Variants in DPYD observed in about 807,000 individuals in gnomAD.
The protein encoded by DPYD is dihydropyrimidine dehydrogenase [NADP(+)].
Under a neutral mutation model 116.2 loss-of-function variants are expected in DPYD, and 109 were observed. The observed-to-expected ratio is 0.94, with a 90% CI of 0.80 to 1.10. The LOEUF (loss-of-function observed/expected upper bound fraction) is 1.10. Ranked by LOEUF, DPYD falls within the 50% of genes least tolerant of loss-of-function variation. The pLI is 0.00. For missense variants in DPYD, 1,302 were observed against 1,254.5 expected, an observed-to-expected ratio of 1.04 and a Z score of -0.57; for synonymous variants, 440 against 432.0, an observed-to-expected ratio of 1.02 and a Z score of -0.23.
At chr1:97,111,538 A>G (rs1651600819) in intron 20 of DPYD, among the ~76,000 whole-genome samples, 1 of 151,400 alleles carries the variant, frequency 6.6e-6, no homozygotes, top group Non-Finnish European at 1.5e-5. Flanking sequence ...GATCCTTCAC[A>G]TGTTTTAGGA....
intron 13 of DPYD, among the ~76,000 whole-genome samples, chr1:97,482,679 A>G (rs975895808): frequency 3.9e-5 from 6 of 152,204 alleles, no homozygotes; most frequent in Non-Finnish European, 7.3e-5. Flanking sequence ...TAGCCATTAA[A>G]GAGAACAGTT....
rs557817565 is a variant in DPYD at position 97,851,796 on chromosome 1, AT to A, written c.151-23601del. 1.2e-3 allele frequency among the ~76,000 whole-genome samples: 181 copies of A among 151,918 alleles called. 6 individuals are homozygous for A. The South Asian group carries it at 0.036, about 31-fold the overall frequency. On this transcript the variant is annotated intron_variant, in intron 2 of 22. Transcript: ENST00000370192. ...CAATTATAATGCACTATACATGAGG[AT>A]TTTCTGTCTACATTTGTCTACATGT...
intron 20 of DPYD, among the ~76,000 whole-genome samples, chr1:97,174,607 G>T (rs1657116075): frequency 6.6e-6 from 1 of 152,114 alleles, no homozygotes; most frequent in African/African-American, 2.4e-5. Flanking sequence ...AACTTCATAA[G>T]GTTTTTAGTT....
intron 19 of DPYD, among the ~76,000 whole-genome samples, chr1:97,226,606 T>G (rs1017482310): frequency 6.6e-6 from 1 of 151,828 alleles, no homozygotes; most frequent in Non-Finnish European, 1.5e-5. Flanking sequence ...AAAAAAGAAA[T>G]CAAAGAGTTA....
chr1:97,678,979 C>A (rs1660293976), intron 8 of DPYD, 116 bp downstream of exon 8: 5 of 486,016 alleles, frequency 1.0e-5, no homozygotes, highest in African/African-American at 2.0e-5. Context: ...TCTGTTATTC[C>A]CTGAACAAAT....
In DPYD at chr1:97,515,748, G is replaced by T. The variant is rs558354142; in HGVS notation, c.1718C>A (p.Thr573Asn). 26 of 1,612,572 alleles carry T rather than the reference G, an allele frequency of 1.6e-5. No homozygotes were observed. The highest frequency in any genetic ancestry group is 2.1e-5 in the Non-Finnish European group (25 of 1,179,066). The change falls in exon 13 of 23, where the codon ACC becomes AAC. Residue 573 changes from threonine to asparagine, a missense_variant. By Grantham distance (65) the Thr-to-Asn change is moderately conservative. Coordinates refer to ENST00000370192, the MANE Select transcript of DPYD (RefSeq NM_000110.4). ...AFEAGWGFALTKTFSLDKDIV... is the reference protein window; with the variant it reads ...AFEAGWGFALNKTFSLDKDIV... ...TACCTTATCAAGAGAGAAAGTTTTG[G>T]TGAGGGCAAAACCCCATCCAGCTTC...
chr1:97,672,150 G>T (rs1230310920), intron 8 of DPYD, among the ~76,000 whole-genome samples: 1 of 151,812 alleles, frequency 6.6e-6, no homozygotes, highest in African/African-American at 2.4e-5. Context: ...TCTATCTTAC[G>T]ACCTGGGCTC....
In DPYD at chr1:97,871,906, C is replaced by A. The variant is rs546247441; in HGVS notation, c.150+11358G>T. ...TGATAATGATAAGCAATAATACTTA[C>A]ATAAGGTTATATATATGCCAACCAC... On this transcript the variant is annotated intron_variant, in intron 2 of 22. Coordinates refer to ENST00000370192, the MANE Select transcript of DPYD (RefSeq NM_000110.4). Among the ~76,000 whole-genome samples, 6 of 151,918 alleles carry A rather than the reference C, an allele frequency of 3.9e-5. No individual in the cohort carries two copies. In the South Asian group the frequency reaches 1.2e-3, roughly 31 times the overall value.
chr1:97,826,792 G>C (rs548730510), intron 3 of DPYD, among the ~76,000 whole-genome samples: 1 of 151,900 alleles, frequency 6.6e-6, no homozygotes, highest in East Asian at 1.9e-4. Context: ...ATTTTATATA[G>C]ATACAAATTC....
intron 18 of DPYD, among the ~76,000 whole-genome samples, chr1:97,240,603 T>C (rs1049239855): frequency 6.6e-6 from 1 of 151,906 alleles, no homozygotes; most frequent in Non-Finnish European, 1.5e-5. Context: ...AAAAAGAAAA[T>C]GTAGTTTTAA....
intron 13 of DPYD, among the ~76,000 whole-genome samples, chr1:97,460,078 T>C (rs1323713284): frequency 1.3e-5 from 2 of 152,194 alleles, no homozygotes; most frequent in African/African-American, 2.4e-5. Flanking sequence ...TCATTTTTAC[T>C]ATATCTTAAA....
chr1:97,599,511 G>A (rs909608153), intron 8 of DPYD, among the ~76,000 whole-genome samples: 1 of 152,028 alleles, frequency 6.6e-6, no homozygotes, highest in African/African-American at 2.4e-5. Flanking sequence ...GTTTGCTTGT[G>A]TTACTTCACC....
At chr1:97,812,525 C>A (rs1309454050) in intron 3 of DPYD, among the ~76,000 whole-genome samples, 1 of 151,976 alleles carries the variant, frequency 6.6e-6, no homozygotes, top group Non-Finnish European at 1.5e-5. Context: ...AGACTGAGTA[C>A]CCTAACAGTA....
At chr1:97,331,385 G>C (rs1260931242) in intron 16 of DPYD, among the ~76,000 whole-genome samples, 1 of 152,170 alleles carries the variant, frequency 6.6e-6, no homozygotes, top group East Asian at 1.9e-4. Flanking sequence ...GGATGCGGCA[G>C]GAGGCTCGCT....
At position 97,219,902 on chromosome 1, in the gene DPYD, C is replaced by T. The variant is rs144929686; in HGVS notation, c.2442+14950G>A. 1.4e-4 allele frequency among the ~76,000 whole-genome samples: 21 copies of T among 152,256 alleles called. No homozygotes were observed. The East Asian group carries it at 4.1e-3, about 29-fold the overall frequency. Reference sequence around the variant, plus strand: ...TCTGCCTATGTCTTTCTCTTCATTTCCTATCATTCTCACCTCTGTTCAGTA... The same window carrying T: ...TCTGCCTATGTCTTTCTCTTCATTTTCTATCATTCTCACCTCTGTTCAGTA... On this transcript the variant is annotated intron_variant, in intron 19 of 22. Coordinates refer to ENST00000370192, the MANE Select transcript of DPYD (RefSeq NM_000110.4).
intron 14 of DPYD, among the ~76,000 whole-genome samples, chr1:97,425,706 T>C (rs1405421250): frequency 6.6e-6 from 1 of 152,100 alleles, no homozygotes; most frequent in Non-Finnish European, 1.5e-5. Flanking sequence ...CTTTGTCCAA[T>C]CATGCTATGG....
intron 5 of DPYD, among the ~76,000 whole-genome samples, chr1:97,719,005 A>G (rs1353176796): frequency 6.6e-6 from 1 of 151,540 alleles, no homozygotes; most frequent in East Asian, 1.9e-4. Flanking sequence ...ATTACTAGGG[A>G]AAAAAAGTGC....
intron 3 of DPYD, chr1:97,798,056 T>C (rs1667667420): frequency 6.6e-6 from 1 of 152,096 alleles, no homozygotes; most frequent in Admixed American, 6.6e-5. Context: ...TATTGGATCT[T>C]AGTTGGCTCC....
intron 3 of DPYD, among the ~76,000 whole-genome samples, chr1:97,782,159 C>T (rs1233785467): frequency 6.6e-6 from 1 of 152,216 alleles, no homozygotes; most frequent in Admixed American, 6.5e-5. Flanking sequence ...CTCTCTTCCT[C>T]ATCCTCTCAC....
Sources: gnomAD v4.1 joint callset for allele counts (sites outside exome capture counted in the v4.1 genomes callset) on GRCh38, gnomAD v4.1.1 for gene constraint, MANE v1.5 for transcripts, NCBI Gene and HGNC (gene_info 2026-07-23, HGNC 2026-07-21) for gene names.